Variants in DCDC2C observed in about 807,000 individuals in gnomAD.
DCDC2C encodes the protein doublecortin domain-containing protein 2C.
In DCDC2C, 44 loss-of-function variants were observed where a neutral mutation model predicts 45.0. That is an observed-to-expected ratio of 0.98 (90% CI 0.77 to 1.26). The LOEUF (loss-of-function observed/expected upper bound fraction) is 1.26. DCDC2C is among the 50% of genes most tolerant of loss of function. The pLI, the probability that DCDC2C is intolerant of heterozygous loss-of-function variation, is 0.00. For missense variants in DCDC2C, 447 were observed against 468.9 expected (o/e 0.95, Z 0.43); for synonymous variants, 187 against 178.8 (o/e 1.05, Z -0.37).
intron 10 of DCDC2C, among the ~76,000 whole-genome samples, chr2:3,836,998 A>C (rs1379434265): frequency 6.6e-6 from 1 of 152,146 alleles, no homozygotes; most frequent in East Asian, 1.9e-4. Context: ...TTTTTCCCCA[A>C]GTGGAATATA....
intron 10 of DCDC2C, among the ~76,000 whole-genome samples, chr2:3,800,153 T>C (rs1671078951): frequency 1.3e-5 from 2 of 152,174 alleles, no homozygotes; most frequent in African/African-American, 4.8e-5. Flanking sequence ...TGTCACCACT[T>C]TCTCTGACTA....
intron 3 of DCDC2C, among the ~76,000 whole-genome samples, chr2:3,735,504 C>G (rs1668999816): frequency 6.6e-6 from 1 of 151,798 alleles, no homozygotes; most frequent in South Asian, 2.1e-4. Context: ...GAGTAACTTT[C>G]AGAACATAGG....
At position 3,703,661 on chromosome 2, in the gene DCDC2C, C is replaced by T. The variant is rs1667935404; in HGVS notation, c.-91C>T. 3 of 1,170,174 alleles carry T rather than the reference C, an allele frequency of 2.6e-6. No individual in the cohort carries two copies. The African/African-American group carries it at 4.8e-5, about 19-fold the overall frequency. The allele number at this position is 1,170,174 out of a possible 1,614,324, so 72.5% of individuals were successfully genotyped here. A position where few individuals can be genotyped will look rare whatever the true frequency, so the allele number is the denominator to read the frequency against. On this transcript the variant is annotated 5_prime_UTR_variant, in exon 1 of 11. Coordinates refer to ENST00000399143, the MANE Select transcript of DCDC2C (RefSeq NM_001287444.2). The surrounding 1 kb of genome is among the most constrained non-coding windows in gnomAD (Gnocchi z 4.4). ...GCGGCTGGAGCGGACCTCCCGTCGGCGGTGCCCGGGCCTGGGCGCGGCTCT... is the reference window on the plus strand; with the variant it reads ...GCGGCTGGAGCGGACCTCCCGTCGGTGGTGCCCGGGCCTGGGCGCGGCTCT...
intron 2 of DCDC2C, among the ~76,000 whole-genome samples, chr2:3,715,924 G>T (rs6726953): frequency 2.0e-5 from 3 of 152,166 alleles, no homozygotes; most frequent in Non-Finnish European, 4.4e-5. Flanking sequence ...AGGATGACCA[G>T]GTGGTCTTCA....
At chr2:3,770,548 G>T (rs1215169371) in intron 8 of DCDC2C, among the ~76,000 whole-genome samples, 2 of 152,124 alleles carry the variant, frequency 1.3e-5, no homozygotes, top group African/African-American at 4.8e-5. Context: ...ATGACTAAAA[G>T]ATTTCATTTT....
chr2:3,834,821 A>G (rs1298192440), intron 10 of DCDC2C, among the ~76,000 whole-genome samples: 2 of 152,214 alleles, frequency 1.3e-5, no homozygotes, highest in Non-Finnish European at 2.9e-5. Context: ...ATGTCCATCA[A>G]GTGGGATGGA....
intron 10 of DCDC2C, among the ~76,000 whole-genome samples, chr2:3,813,821 T>C (rs1671485239): frequency 6.6e-6 from 1 of 150,946 alleles, no homozygotes; most frequent in African/African-American, 2.4e-5. Context: ...GCACATGAGA[T>C]AGGTCTCCTT....
intron 4 of DCDC2C, among the ~76,000 whole-genome samples, chr2:3,747,186 C>T (rs1395701722): frequency 1.3e-5 from 2 of 152,214 alleles, no homozygotes; most frequent in Non-Finnish European, 2.9e-5. Flanking sequence ...CCGTGGCCCA[C>T]ACCTGTGAAC....
At chr2:3,828,231 T>C (rs751632181) in intron 10 of DCDC2C, among the ~76,000 whole-genome samples, 1 of 152,236 alleles carries the variant, frequency 6.6e-6, no homozygotes, top group Non-Finnish European at 1.5e-5. Flanking sequence ...CTCAATACAG[T>C]GATTACCTGT....
At chr2:3,746,521 G>GTGA in intron 4 of DCDC2C, among the ~76,000 whole-genome samples, 1 of 152,208 alleles carries the variant, frequency 6.6e-6, no homozygotes, top group African/African-American at 2.4e-5. Flanking sequence ...GAAGGAAAAG[G>GTGA]TGATGAGCTA....
intron 4 of DCDC2C, among the ~76,000 whole-genome samples, chr2:3,743,162 C>T (rs989072935): frequency 2.6e-5 from 4 of 151,580 alleles, no homozygotes; most frequent in African/African-American, 9.7e-5. Flanking sequence ...TAAAGAAGGT[C>T]ACCACATTAG....
chr2:3,726,055 T>A (rs1165321410), intron 2 of DCDC2C: 1 of 153,478 alleles, frequency 6.5e-6, no homozygotes, highest in Non-Finnish European at 1.4e-5. Context: ...TGGGGGTGTG[T>A]GAACCAGGTA....
chr2:3,704,195 C>G, intron 1 of DCDC2C, 157 bp downstream of exon 1: 1 of 654,626 alleles, frequency 1.5e-6, no homozygotes, highest in Non-Finnish European at 2.2e-6. Flanking sequence ...CGGCGTCGGG[C>G]CGCCCCAGGC....
At position 3,734,849 on chromosome 2, in the gene DCDC2C, G is replaced by T. The variant is rs1279664323; in HGVS notation, c.417-7071G>T. ...GAGTAATTGGGAAGTTCAAGGTGGG[G>T]GTGAAAGTACAGAGCCCTTCAGGTT... is the stretch of plus-strand genomic sequence containing the variant. On this transcript the variant is annotated intron_variant, in intron 3 of 10. Transcript: ENST00000399143. This position sits in a 1 kb window ranked among gnomAD's most constrained non-coding sequence, Gnocchi z 4.2. Among the ~76,000 whole-genome samples the T allele has an allele frequency of 5.3e-5, 8 of 152,172 alleles. No homozygotes were observed. Among genetic ancestry groups the T allele is most frequent in the Non-Finnish European group, 8.8e-5 (6 of 68,032 alleles).
chr2:3,809,418 G>A (rs1671334786), intron 10 of DCDC2C, among the ~76,000 whole-genome samples: 1 of 152,050 alleles, frequency 6.6e-6, no homozygotes, highest in African/African-American at 2.4e-5. Flanking sequence ...TGAGTGTTTT[G>A]TAGCATTTAG....
At chr2:3,755,261 G>A (rs375543718) in intron 6 of DCDC2C, among the ~76,000 whole-genome samples, 18 of 152,086 alleles carry the variant, frequency 1.2e-4, no homozygotes, top group South Asian at 2.1e-4. Flanking sequence ...ATGGGTACAC[G>A]TGTGTACATG....
chr2:3,750,675 G>A (rs1160081850), intron 4 of DCDC2C, among the ~76,000 whole-genome samples: 3 of 152,126 alleles, frequency 2.0e-5, no homozygotes, highest in Non-Finnish European at 4.4e-5. Flanking sequence ...GACCTTGGGT[G>A]TCGCACTCAG....
At chr2:3,820,644 G>A (rs992123072) in intron 10 of DCDC2C, among the ~76,000 whole-genome samples, 4 of 152,080 alleles carry the variant, frequency 2.6e-5, no homozygotes, top group Non-Finnish European at 2.9e-5. Context: ...TTGGGTCCAC[G>A]GATAAAATGT....
At position 3,771,756 on chromosome 2, in the gene DCDC2C, GC is replaced by G. The variant is rs1670176914; in HGVS notation, c.954+2346del. ...CGAGTGGGCCAAGCCTGGAGAACTTGCGCGAGCGTGGCTGGCTGCCTGGCCC... is the reference window on the plus strand; with the variant it reads ...CGAGTGGGCCAAGCCTGGAGAACTTGGCGAGCGTGGCTGGCTGCCTGGCCC... On this transcript the variant is annotated intron_variant, in intron 8 of 10. Coordinates refer to ENST00000399143, the MANE Select transcript of DCDC2C (RefSeq NM_001287444.2). 2.0e-5 allele frequency among the ~76,000 whole-genome samples: 3 copies of G among 152,314 alleles called. No individual in the cohort carries two copies. In the South Asian group the frequency reaches 6.2e-4, roughly 32 times the overall value.
Sources: gnomAD v4.1 joint callset for allele counts (sites outside exome capture counted in the v4.1 genomes callset) on GRCh38, gnomAD v4.1.1 for gene constraint, Gnocchi (gnomAD v3.1) non-coding constraint, MANE v1.5 for transcripts, NCBI Gene and HGNC (gene_info 2026-07-23, HGNC 2026-07-21) for gene names.